Variants in NSL1 observed in about 807,000 individuals in gnomAD.
NSL1 encodes the protein NSL1 component of MIS12 kinetochore complex.
Under a neutral mutation model 25.4 loss-of-function variants are expected in NSL1, and 11 were observed. The observed-to-expected ratio is 0.43, with a 90% CI of 0.27 to 0.72. The LOEUF (loss-of-function observed/expected upper bound fraction) is 0.72, where lower values mean the gene tolerates loss of function less well. Ranked by LOEUF, NSL1 falls within the 30% of genes least tolerant of loss-of-function variation. The probability of loss-of-function intolerance (pLI) is 0.19; values close to 1 mark genes in which losing one functional copy is unlikely to be tolerated. For missense variants in NSL1, 330 were observed against 342.7 expected (o/e 0.96, Z 0.29); for synonymous variants, 118 against 120.6 (o/e 0.98, Z 0.14).
chr1:212,736,094 G>A lies in NSL1; in HGVS notation c.*2314C>T. On this transcript the variant is annotated 3_prime_UTR_variant, in exon 6 of 6. Transcript: ENST00000366977. ...ACTCTGTCACCCAGGCTGGAGTACAGTGGTGCCATCCTGGCTCACTGCAAC... is the reference window on the plus strand; with the variant it reads ...ACTCTGTCACCCAGGCTGGAGTACAATGGTGCCATCCTGGCTCACTGCAAC... The A allele has an allele frequency of 4.2e-6, 4 of 959,610 alleles. No individual in the cohort carries two copies. The highest frequency in any genetic ancestry group is 5.0e-6 in the Non-Finnish European group (4 of 806,434). 59.4% of individuals were successfully genotyped at this position (959,610 alleles called of 1,614,324 possible).
chr1:212,744,799 C>T (rs1204914987), intron 4 of NSL1, among the ~76,000 whole-genome samples: 3 of 151,992 alleles, frequency 2.0e-5, no homozygotes, highest in Non-Finnish European at 4.4e-5. Context: ...GAAGGTAGGC[C>T]AAATGAAGTC....
At chr1:212,767,194 C>T (rs146472565) in intron 4 of NSL1, among the ~76,000 whole-genome samples, 2 of 152,164 alleles carry the variant, frequency 1.3e-5, no homozygotes, top group Non-Finnish European at 2.9e-5. Context: ...TCAAACTATA[C>T]TGTTAGGCCA....
intron 4 of NSL1, among the ~76,000 whole-genome samples, chr1:212,768,744 A>G (rs1232583012): frequency 6.6e-6 from 1 of 152,200 alleles, no homozygotes; most frequent in Non-Finnish European, 1.5e-5. Context: ...GGGCTGAGGG[A>G]ATAAAAGACT....
intron 4 of NSL1, among the ~76,000 whole-genome samples, chr1:212,746,340 AACT>A (rs1446381184): frequency 1.3e-4 from 20 of 152,310 alleles, no homozygotes; most frequent in African/African-American, 4.8e-4. Flanking sequence ...TATTAATTCA[AACT>A]ACATTGTTAT....
intron 4 of NSL1, among the ~76,000 whole-genome samples, chr1:212,763,107 A>G (rs1659649442): frequency 6.6e-6 from 1 of 152,216 alleles, no homozygotes; most frequent in Non-Finnish European, 1.5e-5. Context: ...AAATCCAGTA[A>G]GCGAAGCACT....
chr1:212,733,258 T>C lies in NSL1; in HGVS notation c.*5150A>G, dbSNP rs1458362546. Among the ~76,000 whole-genome samples, 1 of 151,850 alleles carries C rather than the reference T, an allele frequency of 6.6e-6. No homozygotes were observed. On this transcript the variant is annotated 3_prime_UTR_variant, in exon 6 of 6. Transcript: ENST00000366977. ...TTTGAGACCAGCCACATAGCGAAAC[T>C]CCGTCTCTACAAAAAATACAAAAAT...
At chr1:212,769,489 G>A (rs1014378867) in intron 4 of NSL1, among the ~76,000 whole-genome samples, 42 of 152,114 alleles carry the variant, frequency 2.8e-4, no homozygotes, top group African/African-American at 9.9e-4. Context: ...AAAAAAACCT[G>A]TCAGCCAAGA....
intron 4 of NSL1, among the ~76,000 whole-genome samples, chr1:212,771,872 G>A (rs2102383997): frequency 6.6e-6 from 1 of 152,288 alleles, no homozygotes; most frequent in East Asian, 1.9e-4. Flanking sequence ...ATATGATATA[G>A]TTTGGCTGTG....
rs59970994 is a variant in NSL1, at chr1:212,736,577, A to T, written c.*1831T>A. 896 of 985,190 alleles carry T rather than the reference A, an allele frequency of 9.1e-4. 2 individuals are homozygous for T. The African/African-American group carries it at 9.3e-3, about 10-fold the overall frequency. The allele number at this position is 985,190 out of a possible 1,614,324, so 61.0% of individuals were successfully genotyped here. ...TTCTTAGTTAATAATGCTAATACGT[A>T]CTGTCTTTCCCAGTGGTATTTCTAT... On this transcript the variant is annotated 3_prime_UTR_variant, in exon 6 of 6. Transcript: ENST00000366977.
rs1658119808 is a variant in NSL1 at position 212,733,694 on chromosome 1, C to T, written c.*4714G>A. 3.9e-5 allele frequency among the ~76,000 whole-genome samples: 6 copies of T among 152,176 alleles called. No homozygotes were observed. The South Asian group carries it at 1.2e-3, about 31-fold the overall frequency. On this transcript the variant is annotated 3_prime_UTR_variant, in exon 6 of 6. Transcript: ENST00000366977. ...TTTCTTCTTATTGCCAAATAATATT[C>T]TATTGAGTGGATAGTCCACATTTTA...
intron 4 of NSL1, among the ~76,000 whole-genome samples, chr1:212,750,524 T>C (rs768644431): frequency 6.6e-6 from 1 of 152,062 alleles, no homozygotes; most frequent in Non-Finnish European, 1.5e-5. Context: ...GACAGAAGGT[T>C]CCCAGAGAAG....
At chr1:212,763,376 G>GA (rs796654316) in intron 4 of NSL1, among the ~76,000 whole-genome samples, 63 of 148,122 alleles carry the variant, frequency 4.3e-4, no homozygotes, top group Middle Eastern at 3.4e-3. Flanking sequence ...ACAACAGAAT[G>GA]AAAAAAAAAC....
intron 4 of NSL1, among the ~76,000 whole-genome samples, chr1:212,764,843 C>CAAAAAAAAAAAAA (rs3086471): frequency 3.9e-4 from 15 of 38,876 alleles, no homozygotes; most frequent in Non-Finnish European, 5.2e-4. Flanking sequence ...AAGACTGTCT[C>CAAAAAAAAAAAAA]AAAAAAAAAA....
chr1:212,775,201 A>G (rs1400236556), intron 4 of NSL1, among the ~76,000 whole-genome samples: 1 of 152,228 alleles, frequency 6.6e-6, no homozygotes, highest in East Asian at 1.9e-4. Flanking sequence ...AGTCAGGTCT[A>G]TAGAGATAGA....
intron 3 of NSL1, among the ~76,000 whole-genome samples, chr1:212,783,360 G>GA (rs1475916290): frequency 1.3e-5 from 2 of 151,322 alleles, no homozygotes; most frequent in African/African-American, 4.9e-5. Flanking sequence ...TGTTTTTCCT[G>GA]AAAAAAACTT....
chr1:212,787,480 G>T, intron 2 of NSL1, 79 bp downstream of exon 2: 2 of 975,764 alleles, frequency 2.0e-6, no homozygotes, highest in Non-Finnish European at 3.1e-6. Context: ...TAAATATGGA[G>T]ATTAAAAAAC....
intron 4 of NSL1, among the ~76,000 whole-genome samples, chr1:212,767,344 G>A (rs574682230): frequency 6.6e-6 from 1 of 152,022 alleles, no homozygotes; most frequent in South Asian, 2.1e-4. Context: ...AGTGGGGAAA[G>A]GACATCCTAA....
chr1:212,754,769 C>CAAAAAAAAAAAAAAAAAAAAAA (rs59259608), intron 4 of NSL1, among the ~76,000 whole-genome samples: 5 of 71,322 alleles, frequency 7.0e-5, no homozygotes, highest in African/African-American at 2.4e-4. Context: ...AATTCTGTCT[C>CAAAAAAAAAAAAAAAAAAAAAA]AAAAAAAAAA....
chr1:212,739,407 A>G, intron 5 of NSL1, 127 bp downstream of exon 5: 6 of 790,348 alleles, frequency 7.6e-6, no homozygotes, highest in South Asian at 1.9e-5. Flanking sequence ...TAAATTCATT[A>G]AAGATTTATT....
Sources: gnomAD v4.1 joint callset for allele counts (sites outside exome capture counted in the v4.1 genomes callset) on GRCh38, gnomAD v4.1.1 for gene constraint, MANE v1.5 for transcripts, NCBI Gene and HGNC (gene_info 2026-07-23, HGNC 2026-07-21) for gene names.